Variants in BAZ1A observed in about 807,000 individuals in gnomAD.
BAZ1A encodes the protein bromodomain adjacent to zinc finger domain 1A.
BAZ1A carries 50 observed loss-of-function variants against 185.2 expected under a neutral mutation model. The ratio of observed to expected loss-of-function variants is 0.27; its 90% CI spans 0.22 to 0.34. The LOEUF is 0.34. Ranked by LOEUF, BAZ1A falls within the 10% of genes least tolerant of loss-of-function variation. The probability of loss-of-function intolerance (pLI) is 1.00; values close to 1 mark genes in which losing one functional copy is unlikely to be tolerated. For synonymous variants in BAZ1A, 571 were observed against 615.6 expected, an observed-to-expected ratio of 0.93 and a Z score of 1.07; for missense variants, 1,356 against 1,839.9, an observed-to-expected ratio of 0.74 and a Z score of 4.81.
intron 3 of BAZ1A, among the ~76,000 whole-genome samples, chr14:34,842,323 T>C (rs1192453824): frequency 2.0e-5 from 3 of 152,228 alleles, no homozygotes; most frequent in African/African-American, 7.2e-5. Context: ...CTGTCACCTT[T>C]TGTTGCCACT....
rs1298800519 is a variant in BAZ1A at position 34,868,191 on chromosome 14, G to GT, written c.114-5870dup. Among the ~76,000 whole-genome samples, 3 of 152,144 alleles carry GT rather than the reference G, an allele frequency of 2.0e-5. No individual in the cohort carries two copies. The South Asian group carries it at 6.2e-4, about 31-fold the overall frequency. ...CACAACTATACCTGTATTTTTAGGT[G>GT]TTGTCAATAACTGCTTTCTCACTAC... On this transcript the variant is annotated intron_variant, in intron 2 of 26. Transcript: ENST00000360310.
At chr14:34,827,027 G>A (rs2042173824) in intron 3 of BAZ1A, among the ~76,000 whole-genome samples, 1 of 152,050 alleles carries the variant, frequency 6.6e-6, no homozygotes, top group Non-Finnish European at 1.5e-5. Flanking sequence ...CCAGCCTTTG[G>A]ATTTTGGGAC....
chr14:34,833,527 CACAAA>C (rs982334848), intron 3 of BAZ1A, among the ~76,000 whole-genome samples: 14 of 152,044 alleles, frequency 9.2e-5, no homozygotes, highest in East Asian at 3.8e-4. Flanking sequence ...GACTCCATCT[CACAAA>C]ACAAAACAAA....
chr14:34,864,705 C>T (rs542971149), intron 2 of BAZ1A, among the ~76,000 whole-genome samples: 12 of 148,578 alleles, frequency 8.1e-5, no homozygotes, highest in Non-Finnish European at 1.6e-4. Flanking sequence ...CTCCTGACCT[C>T]GTGATCCACC....
chr14:34,863,011 C>T (rs1245440493), intron 2 of BAZ1A, among the ~76,000 whole-genome samples: 3 of 134,924 alleles, frequency 2.2e-5, no homozygotes, highest in Non-Finnish European at 4.7e-5. Flanking sequence ...TTTTTTGAGA[C>T]GGAGTCTCAC....
intron 2 of BAZ1A, among the ~76,000 whole-genome samples, chr14:34,868,400 C>T (rs1380756006): frequency 2.6e-5 from 4 of 152,190 alleles, no homozygotes; most frequent in Non-Finnish European, 4.4e-5. Flanking sequence ...TCAACCAACA[C>T]TCTGGCGAAC....
chr14:34,783,334 A>G (rs1880171627), intron 15 of BAZ1A, 102 bp from the exon 16 acceptor site: 1 of 668,698 alleles, frequency 1.5e-6, no homozygotes, highest in African/African-American at 1.9e-5. Context: ...TTCAAACATT[A>G]TTATAAAACT....
intron 21 of BAZ1A, among the ~76,000 whole-genome samples, chr14:34,770,582 T>C (rs1035412446): frequency 6.6e-6 from 1 of 152,062 alleles, no homozygotes; most frequent in African/African-American, 2.4e-5. Context: ...ACATGATGAG[T>C]TATAAATTAA....
At chr14:34,832,388 C>A (rs2042262564) in intron 3 of BAZ1A, among the ~76,000 whole-genome samples, 1 of 149,220 alleles carries the variant, frequency 6.7e-6, no homozygotes, top group African/African-American at 2.5e-5. Flanking sequence ...TCTATAAGGC[C>A]AGAATTACCC....
chr14:34,847,519 G>A (rs1351541054), intron 3 of BAZ1A, among the ~76,000 whole-genome samples: 1 of 151,976 alleles, frequency 6.6e-6, no homozygotes, highest in Non-Finnish European at 1.5e-5. Flanking sequence ...AATCCTTTCT[G>A]CTAATCTATA....
chr14:34,861,302 T>C (rs1419907189), intron 3 of BAZ1A, among the ~76,000 whole-genome samples: 1 of 152,194 alleles, frequency 6.6e-6, no homozygotes, highest in Non-Finnish European at 1.5e-5. Context: ...GAGGAAAACA[T>C]TGATAATTTT....
chr14:34,863,990 A>T (rs1046119783), intron 2 of BAZ1A, among the ~76,000 whole-genome samples: 1 of 151,626 alleles, frequency 6.6e-6, no homozygotes, highest in Non-Finnish European at 1.5e-5. Context: ...CACTCACCTA[A>T]TTTTTTTGAG....
chr14:34,844,564 C>A (rs2042472354), intron 3 of BAZ1A, among the ~76,000 whole-genome samples: 1 of 151,822 alleles, frequency 6.6e-6, no homozygotes, highest in African/African-American at 2.4e-5. Flanking sequence ...ATCACGTGAG[C>A]CCAGGAGTTT....
chr14:34,804,459 A>C (rs752818287), intron 6 of BAZ1A, among the ~76,000 whole-genome samples: 1 of 152,220 alleles, frequency 6.6e-6, no homozygotes, highest in South Asian at 2.1e-4. Flanking sequence ...ATAATGACAC[A>C]AAATACAAAA....
At chr14:34,816,965 C>T (rs1187962054) in intron 4 of BAZ1A, 3 of 271,436 alleles carry the variant, frequency 1.1e-5, no homozygotes, top group South Asian at 3.2e-5. Flanking sequence ...GGAACAATAG[C>T]GGACAATATA....
chr14:34,853,988 TAG>T (rs1275761639), intron 3 of BAZ1A, among the ~76,000 whole-genome samples: 1 of 152,202 alleles, frequency 6.6e-6, no homozygotes, highest in Non-Finnish European at 1.5e-5. Context: ...GTTATACAGG[TAG>T]TAAGTATGTG....
chr14:34,865,193 A>G (rs890026324), intron 2 of BAZ1A, among the ~76,000 whole-genome samples: 1 of 152,152 alleles, frequency 6.6e-6, no homozygotes, highest in Non-Finnish European at 1.5e-5. Context: ...GGCTACGGTG[A>G]GCCACAATCA....
intron 3 of BAZ1A, among the ~76,000 whole-genome samples, chr14:34,844,793 A>T (rs1453870684): frequency 6.6e-6 from 1 of 151,432 alleles, no homozygotes; most frequent in East Asian, 1.9e-4. Flanking sequence ...ACACACACAC[A>T]CACACACACA....
Position 34,791,132 on chromosome 14 carries a change from AAGAAAAGAGAAG to A in BAZ1A, c.1510+1631_1510+1642del, listed in dbSNP as rs543469070. Among the ~76,000 whole-genome samples the A allele has an allele frequency of 1.8e-4, 18 of 98,394 alleles. No individual in the cohort carries two copies. The East Asian group carries it at 2.8e-3, about 15-fold the overall frequency. 64.6% of individuals were successfully genotyped at this position (98,394 alleles called of 152,430 possible). On this transcript the variant is annotated intron_variant, in intron 12 of 26. Transcript: ENST00000360310. ...AGCGAAACTCTGTCTCAAAAAAGAA[AAGAAAAGAGAAG>A]AGAAAAGAGAAGAGAAGAGAGTAGT...
Sources: gnomAD v4.1 joint callset for allele counts (sites outside exome capture counted in the v4.1 genomes callset) on GRCh38, gnomAD v4.1.1 for gene constraint, MANE v1.5 for transcripts, NCBI Gene and HGNC (gene_info 2026-07-23, HGNC 2026-07-21) for gene names.